Variants in GNB5 observed in about 807,000 individuals in gnomAD.
GNB5 encodes G protein subunit beta 5, also known as guanine nucleotide-binding protein subunit beta-5.
Under a neutral mutation model 55.3 loss-of-function variants are expected in GNB5, and 37 were observed. The observed-to-expected ratio is 0.67, with a 90% confidence interval of 0.51 to 0.88. The LOEUF is 0.88. Among genes scored for constraint, GNB5 ranks in the 40% least tolerant of loss-of-function variants. The pLI, the probability that GNB5 is intolerant of heterozygous loss-of-function variation, is 0.00. For synonymous variants in GNB5, 219 were observed against 198.5 expected (o/e 1.10, Z -0.87); for missense variants, 476 against 515.3 (o/e 0.92, Z 0.74).
At chr15:52,181,900 TAACA>T (rs560952944) in intron 2 of GNB5, among the ~76,000 whole-genome samples, 113 of 151,856 alleles carry the variant, frequency 7.4e-4, no homozygotes, top group African/African-American at 2.5e-3. Context: ...TATAAACATA[TAACA>T]AACATGTTTA....
intron 6 of GNB5, among the ~76,000 whole-genome samples, chr15:52,146,564 T>C (rs2033981373): frequency 6.6e-6 from 1 of 152,028 alleles, no homozygotes; most frequent in African/African-American, 2.4e-5. Context: ...TTCCTTTCCT[T>C]TTCTGCTTTA....
At chr15:52,124,784 G>T in intron 11 of GNB5, 145 bp from the exon 12 acceptor site, 1 of 668,986 alleles carries the variant, frequency 1.5e-6, no homozygotes, top group East Asian at 2.6e-5. Context: ...GATTCAAAGG[G>T]GAGAAAGCAC....
chr15:52,139,963 T>C (rs892856253), intron 7 of GNB5: 1 of 1,280,016 alleles, frequency 7.8e-7, no homozygotes, highest in Non-Finnish European at 1.0e-6. Flanking sequence ...GTTGCTTTGG[T>C]TTGCCTCAGG....
intron 3 of GNB5, among the ~76,000 whole-genome samples, chr15:52,165,686 G>A (rs551089445): frequency 1.3e-5 from 2 of 152,146 alleles, no homozygotes; most frequent in African/African-American, 4.8e-5. Context: ...CCCTGTAAAA[G>A]CTCCTGAAGG....
intron 4 of GNB5, among the ~76,000 whole-genome samples, chr15:52,152,919 C>T (rs1054263812): frequency 6.6e-5 from 10 of 152,256 alleles, no homozygotes; most frequent in Admixed American, 5.9e-4. Context: ...GCCACTATAA[C>T]CAGCCTGTAG....
In GNB5 at chr15:52,117,102, A is replaced by ATATATATATATATTTTTTTTTT; in HGVS notation, c.*5654_*5655insAAAAAAAAAATATATATATATA. ...CCACGCCCAGCTAATATATATATAT[A>ATATATATATATATTTTTTTTTT]TTTTTTTTTAGTACAGACAGGGTTT... On this transcript the variant is annotated 3_prime_UTR_variant, in exon 13 of 13. Transcript: ENST00000261837. The ATATATATATATATTTTTTTTTT allele has an allele frequency of 7.5e-4, 65 of 87,078 alleles. 6 individuals are homozygous for ATATATATATATATTTTTTTTTT. Among genetic ancestry groups the ATATATATATATATTTTTTTTTT allele is most frequent in the African/African-American group, 3.5e-3 (58 of 16,430 alleles). 5.4% of individuals were successfully genotyped at this position (87,078 alleles called of 1,614,324 possible). A position where few individuals can be genotyped will look rare whatever the true frequency, so the allele number is the denominator to read the frequency against.
intron 7 of GNB5, chr15:52,140,012 G>A: frequency 8.5e-7 from 1 of 1,178,700 alleles, no homozygotes; most frequent in East Asian, 6.5e-5. Context: ...ACCAGTCAGT[G>A]GCCACAGCGC....
intron 3 of GNB5, among the ~76,000 whole-genome samples, chr15:52,168,713 C>G (rs1204823843): frequency 2.6e-5 from 4 of 152,182 alleles, no homozygotes; most frequent in African/African-American, 9.7e-5. Flanking sequence ...TACCCAACTT[C>G]AAAATATACT....
At chr15:52,158,459 T>C (rs1039178297) in intron 3 of GNB5, among the ~76,000 whole-genome samples, 1 of 152,114 alleles carries the variant, frequency 6.6e-6, no homozygotes, top group African/African-American at 2.4e-5. Context: ...TAAGCAGCAG[T>C]CTTTGGTGGG....
Position 52,124,518 on chromosome 15 carries a change from G to T in GNB5, c.1131C>A (p.Pro377=), listed in dbSNP as rs768931015. Residue 377 remains proline (P), a synonymous_variant, in exon 12 of 13, where the codon CCC becomes CCA. Transcript: ENST00000261837. ...ATCCAGAGCAGAAAGCAGTCCCATC[G>T]GGGGAAACTCGTAGAGTGCTAACGC... ...ENRVSTLRVS[P]DGTAFCSGSW... 10 of 1,613,726 alleles carry T rather than the reference G, an allele frequency of 6.2e-6. No individual in the cohort carries two copies. The highest frequency in any genetic ancestry group is 2.7e-5 in the African/African-American group (2 of 74,910).
chr15:52,176,926 G>T (rs868176298), intron 3 of GNB5, among the ~76,000 whole-genome samples: 2 of 151,766 alleles, frequency 1.3e-5, no homozygotes, highest in African/African-American at 4.8e-5. Flanking sequence ...GCTGGACTCT[G>T]CCCTGCATAC....
chr15:52,167,126 G>C (rs532061066), intron 3 of GNB5, among the ~76,000 whole-genome samples: 1 of 152,074 alleles, frequency 6.6e-6, no homozygotes, highest in Non-Finnish European at 1.5e-5. Context: ...GACTGAACCA[G>C]GAAGAAATGG....
intron 3 of GNB5, among the ~76,000 whole-genome samples, chr15:52,158,830 TGA>T (rs1480315266): frequency 1.3e-5 from 2 of 152,134 alleles, no homozygotes; most frequent in Non-Finnish European, 2.9e-5. Context: ...TCCAGGTATA[TGA>T]GAGTCAGTCC....
rs1033520159 is a variant in GNB5, at chr15:52,116,011, T to C, written c.*6746A>G. 6.6e-6 allele frequency: 1 copy of C among 152,280 alleles called. No homozygotes were observed. The highest frequency in any genetic ancestry group is 6.5e-5 in the Admixed American group (1 of 15,286). 9.4% of individuals were successfully genotyped at this position (152,280 alleles called of 1,614,324 possible). A position where few individuals can be genotyped will look rare whatever the true frequency, so the allele number is the denominator to read the frequency against. On this transcript the variant is annotated 3_prime_UTR_variant, in exon 13 of 13. Coordinates refer to ENST00000261837, the MANE Select transcript of GNB5 (RefSeq NM_016194.4). The stretch of plus-strand genomic sequence containing the variant: ...TGTTGCAGCATGTGTCCACGCTTTC[T>C]TTCTTTGTATTCCATTCTGTGGATG...
At chr15:52,140,468 C>A (rs1263378895) in intron 7 of GNB5, among the ~76,000 whole-genome samples, 1 of 152,200 alleles carries the variant, frequency 6.6e-6, no homozygotes, top group African/African-American at 2.4e-5. Flanking sequence ...GCTCGGAGCT[C>A]CCCAGTTCCC....
chr15:52,131,668 G>A (rs185156399), intron 9 of GNB5, among the ~76,000 whole-genome samples: 1 of 152,272 alleles, frequency 6.6e-6, no homozygotes, highest in East Asian at 1.9e-4. Flanking sequence ...TACAATAAGT[G>A]AGTCTTTTTT....
At chr15:52,155,072 G>C (rs1727584508) in intron 3 of GNB5, among the ~76,000 whole-genome samples, 1 of 152,216 alleles carries the variant, frequency 6.6e-6, no homozygotes, top group African/African-American at 2.4e-5. Flanking sequence ...GGGATCCCAT[G>C]GCCACTCTCC....
chr15:52,132,275 T>C (rs1415056204), intron 9 of GNB5, among the ~76,000 whole-genome samples: 1 of 152,232 alleles, frequency 6.6e-6, no homozygotes, highest in Non-Finnish European at 1.5e-5. Flanking sequence ...CCATGAGCTA[T>C]GACAGCCCAA....
At chr15:52,179,610 C>T (rs1040131385) in intron 3 of GNB5, among the ~76,000 whole-genome samples, 158 bp downstream of exon 3, 1 of 151,448 alleles carries the variant, frequency 6.6e-6, no homozygotes, top group Non-Finnish European at 1.5e-5. Flanking sequence ...CTACCCGCGC[C>T]TCACCTGCGC....
Sources: gnomAD v4.1 joint callset for allele counts (sites outside exome capture counted in the v4.1 genomes callset) on GRCh38, gnomAD v4.1.1 for gene constraint, MANE v1.5 for transcripts, NCBI Gene and HGNC (gene_info 2026-07-23, HGNC 2026-07-21) for gene names.